CHST15: variants seen among roughly 807,000 people sequenced by gnomAD.
CHST15 encodes the protein carbohydrate sulfotransferase 15, also known as B cell RAG associated protein (GALNAC4S-6ST).
Under a neutral mutation model 53.6 loss-of-function variants are expected in CHST15, and 30 were observed. The observed-to-expected ratio is 0.56, with a 90% CI of 0.42 to 0.76. The LOEUF (loss-of-function observed/expected upper bound fraction) is 0.76. CHST15 is among the 30% of genes least tolerant of loss of function. The pLI is 0.00. For synonymous variants in CHST15, 296 were observed against 289.8 expected, an observed-to-expected ratio of 1.02 and a Z score of -0.22; for missense variants, 627 against 740.5, an observed-to-expected ratio of 0.85 and a Z score of 1.78.
At chr10:124,056,787 C>T (rs1189104817) in intron 1 of CHST15, among the ~76,000 whole-genome samples, 3 of 150,972 alleles carry the variant, frequency 2.0e-5, no homozygotes, top group Admixed American at 6.6e-5. Flanking sequence ...GGACACTCCG[C>T]GGCCCAGGCC....
intron 1 of CHST15, among the ~76,000 whole-genome samples, chr10:124,089,666 A>C (rs899427017): frequency 6.6e-6 from 1 of 152,030 alleles, no homozygotes; most frequent in African/African-American, 2.4e-5. Flanking sequence ...TTCAATGTCC[A>C]CACCTGAAAA....
intron 3 of CHST15, among the ~76,000 whole-genome samples, chr10:124,043,142 A>G (rs1171784017): frequency 1.3e-5 from 2 of 152,228 alleles, no homozygotes; most frequent in African/African-American, 4.8e-5. Context: ...CCTGAAGTCA[A>G]TGGAAATTGG....
At position 124,042,457 on chromosome 10, in the gene CHST15, C is replaced by G; in HGVS notation, c.887-10G>C. ...CTTAGGCGGACGATTCCTATGAGAA[C>G]CAAGAAGCAGGAGATACTGAGGACA... On this transcript the variant is annotated splice_polypyrimidine_tract_variant and intron_variant, in intron 3 of 7. Transcript: ENST00000435907. The G allele has an allele frequency of 6.2e-7, 1 of 1,613,038 alleles. No individual in the cohort carries two copies. Among genetic ancestry groups the G allele is most frequent in the Non-Finnish European group, 8.5e-7 (1 of 1,179,170 alleles).
At chr10:124,080,761 C>T (rs1378244430) in intron 1 of CHST15, among the ~76,000 whole-genome samples, 10 of 152,208 alleles carry the variant, frequency 6.6e-5, no homozygotes, top group Admixed American at 1.3e-4. Flanking sequence ...TATAAACAGA[C>T]GATCTGAAAG....
chr10:124,011,480 T>C (rs1672980311), intron 7 of CHST15: 2 of 985,328 alleles, frequency 2.0e-6, no homozygotes, highest in African/African-American at 3.5e-5. Flanking sequence ...CAGGCAGATA[T>C]ATTTTCAGAA....
At chr10:124,025,250 T>C (rs117214784) in intron 5 of CHST15, among the ~76,000 whole-genome samples, 1,955 of 152,350 alleles carry the variant, frequency 0.013, 19 homozygotes, top group Middle Eastern at 0.027. Context: ...ACATACCTAC[T>C]GTTCCAACCA....
intron 5 of CHST15, among the ~76,000 whole-genome samples, chr10:124,022,478 A>T (rs984889429): frequency 2.0e-5 from 3 of 152,210 alleles, no homozygotes; most frequent in Admixed American, 2.0e-4. Context: ...GGCCCACAGG[A>T]GCACCTTCGT....
At chr10:124,048,176 T>A (rs1261216390) in intron 1 of CHST15, among the ~76,000 whole-genome samples, 1 of 152,268 alleles carries the variant, frequency 6.6e-6, no homozygotes, top group African/African-American at 2.4e-5. Context: ...GTGAGTGTTC[T>A]GTGCTTAAAT....
At chr10:124,073,285 T>C (rs1590343366) in intron 1 of CHST15, among the ~76,000 whole-genome samples, 1 of 152,166 alleles carries the variant, frequency 6.6e-6, no homozygotes, top group African/African-American at 2.4e-5. Context: ...ATCTCACAGA[T>C]GTAGTACTGA....
chr10:124,045,755 T>C lies in CHST15; in HGVS notation c.458A>G (p.Lys153Arg), dbSNP rs79932850. 820 of 1,614,174 alleles carry C rather than the reference T, an allele frequency of 5.1e-4. 6 individuals carry two copies. The African/African-American group carries it at 9.5e-3, about 19-fold the overall frequency. Residue 153 changes from lysine to arginine, a missense_variant, in exon 2 of 8, where the codon AAA (lysine) becomes AGA (arginine). Transcript: ENST00000435907. ...AGTTGTGATGCTGTTGATAATTAAT[T>C]TAATGCTTGGATAGTCCTTCATGTA... ...ISYMKDYPSIKLIINSITTRI... is the reference protein window; with the variant it reads ...ISYMKDYPSIRLIINSITTRI...
At chr10:124,087,352 T>C (rs1001116118) in intron 1 of CHST15, among the ~76,000 whole-genome samples, 3 of 152,266 alleles carry the variant, frequency 2.0e-5, no homozygotes, top group South Asian at 4.2e-4. Flanking sequence ...CACCACTATC[T>C]TTTTGACCAC....
Position 124,067,128 on chromosome 10 carries a change from TGCAA to T in CHST15, c.-512-20408_-512-20405del, listed in dbSNP as rs1479274299. Among the ~76,000 whole-genome samples, 5 of 152,372 alleles carry T rather than the reference TGCAA, an allele frequency of 3.3e-5. No individual in the cohort carries two copies. In the South Asian group the frequency reaches 6.2e-4, roughly 19 times the overall value. On this transcript the variant is annotated intron_variant, in intron 1 of 7. Coordinates refer to ENST00000435907, the MANE Select transcript of CHST15 (RefSeq NM_001270764.2). ...TTAGTGCTGGGAACACCAGGACTTC[TGCAA>T]GTGGCAGACTTCCAAACTCCCTTAA...
In CHST15 at chr10:124,044,734, G is replaced by C. The variant is rs186851094; in HGVS notation, c.732C>G (p.His244Gln). The C allele has an allele frequency of 1.5e-5, 25 of 1,613,500 alleles. No individual in the cohort carries two copies. In the East Asian group the frequency reaches 5.1e-4, roughly 33 times the overall value. Residue 244 changes from histidine (H) to glutamine (Q), a missense_variant, in exon 3 of 8, where the codon CAC becomes CAG. This residue lies in a region of CHST15 where 161 missense variants were observed against 117.2 expected (regional missense o/e 1.37). Coordinates refer to ENST00000435907, the MANE Select transcript of CHST15 (RefSeq NM_001270764.2). Reference protein sequence around the residue: ...KAFWGHLAHAHGKHFRLRCLP... With the variant: ...KAFWGHLAHAQGKHFRLRCLP... ...GGCAGCGCAGGCGGAAGTGCTTCCC[G>C]TGCGCGTGCGCCAGGTGGCCCCAGA...
At chr10:124,026,397 G>A (rs181065478) in intron 5 of CHST15, among the ~76,000 whole-genome samples, 18 of 152,268 alleles carry the variant, frequency 1.2e-4, no homozygotes, top group African/African-American at 3.9e-4. Context: ...AAAGCCACTC[G>A]GATAGGTTAA....
chr10:124,010,749 G>C (rs1946388708), intron 7 of CHST15: 3 of 985,338 alleles, frequency 3.0e-6, no homozygotes, highest in South Asian at 9.4e-5. Flanking sequence ...CAGCCCTCTG[G>C]AATTCCGCCA....
chr10:124,090,384 C>T (rs1453333560), intron 1 of CHST15, among the ~76,000 whole-genome samples: 1 of 152,188 alleles, frequency 6.6e-6, no homozygotes, highest in Non-Finnish European at 1.5e-5. Flanking sequence ...TCTCCCCAGC[C>T]CCCTCCACTA....
At chr10:124,021,230 G>T (rs1277093099) in intron 6 of CHST15, 26 bp downstream of exon 6, 9 of 1,556,868 alleles carry the variant, frequency 5.8e-6, no homozygotes, top group Middle Eastern at 1.7e-4. Context: ...GCCAGCTCGG[G>T]GGGTACGGGG....
Position 124,056,400 on chromosome 10 carries a change from T to C in CHST15, c.-512-9676A>G, listed in dbSNP as rs564764451. ...CGGCCTGGGGCATTGAGTCTTAACCTGTCTCAATTCAGACTCTATTCATCA... is the reference window on the plus strand; with the variant it reads ...CGGCCTGGGGCATTGAGTCTTAACCCGTCTCAATTCAGACTCTATTCATCA... On this transcript the variant is annotated intron_variant, in intron 1 of 7. Transcript: ENST00000435907. Among the ~76,000 whole-genome samples the C allele has an allele frequency of 3.1e-3, 479 of 152,312 alleles. 2 individuals carry two copies. The highest frequency in any genetic ancestry group is 0.011 in the African/African-American group (456 of 41,572).
intron 5 of CHST15, among the ~76,000 whole-genome samples, chr10:124,029,507 C>G (rs1301155570): frequency 6.6e-6 from 1 of 152,240 alleles, no homozygotes; most frequent in Non-Finnish European, 1.5e-5. Context: ...CCTTCCAGAG[C>G]ATCCAATCAC....
Sources: allele counts gnomAD v4.1 joint callset (sites outside exome capture counted in the v4.1 genomes callset), GRCh38; gene constraint gnomAD v4.1.1; regional missense constraint gnomAD v4.1.1; transcripts MANE v1.5; gene names NCBI Gene and HGNC (gene_info 2026-07-23, HGNC 2026-07-21).